MACROD2: variants seen among roughly 807,000 people sequenced by gnomAD.
MACROD2 encodes ADP-ribose glycohydrolase MACROD2.
In MACROD2, 36 loss-of-function variants were observed where a neutral mutation model predicts 70.4. The observed-to-expected ratio is 0.51, with a 90% CI of 0.39 to 0.68. The LOEUF (loss-of-function observed/expected upper bound fraction) is 0.68. Among genes scored for constraint, MACROD2 ranks in the 30% least tolerant of loss-of-function variants. The probability of loss-of-function intolerance (pLI) is 0.00; values close to 1 mark genes in which losing one functional copy is unlikely to be tolerated. For synonymous variants in MACROD2, 172 were observed against 178.8 expected, an observed-to-expected ratio of 0.96 and a Z score of 0.30; for missense variants, 496 against 538.4, an observed-to-expected ratio of 0.92 and a Z score of 0.78.
intron 3 of MACROD2, among the ~76,000 whole-genome samples, chr20:14,279,443 GA>G (rs2082286394): frequency 6.9e-6 from 1 of 145,476 alleles, no homozygotes; most frequent in African/African-American, 2.4e-5. Flanking sequence ...ACCTTAAGTT[GA>G]TTTTTTTTTC....
intron 10 of MACROD2, among the ~76,000 whole-genome samples, chr20:15,927,784 A>G (rs890249889): frequency 1.3e-5 from 2 of 152,062 alleles, no homozygotes; most frequent in Non-Finnish European, 2.9e-5. Flanking sequence ...AGCTAATGAC[A>G]CCTCCAGACA....
At chr20:15,521,763 A>G (rs1178795044) in intron 8 of MACROD2, among the ~76,000 whole-genome samples, 1 of 152,254 alleles carries the variant, frequency 6.6e-6, no homozygotes, top group Non-Finnish European at 1.5e-5. Context: ...AGTATTTTAA[A>G]GAAGCTAACA....
chr20:14,590,327 C>G (rs867502385), intron 4 of MACROD2, among the ~76,000 whole-genome samples: 4 of 152,238 alleles, frequency 2.6e-5, no homozygotes, highest in Admixed American at 6.5e-5. Context: ...TTTGTACTGT[C>G]ACTCATTTAC....
chr20:14,673,132 T>C (rs1363238928), intron 4 of MACROD2, among the ~76,000 whole-genome samples: 2 of 152,220 alleles, frequency 1.3e-5, no homozygotes, highest in African/African-American at 4.8e-5. Flanking sequence ...ATTGCTTGCT[T>C]TCAATGCAGA....
chr20:15,496,081 A>C (rs6074905), intron 7 of MACROD2, among the ~76,000 whole-genome samples: 80,628 of 151,946 alleles, frequency 0.53, 21,610 homozygotes, highest in Middle Eastern at 0.58. Context: ...AGAGACAAGA[A>C]AGGGCCAGCT....
intron 2 of MACROD2, among the ~76,000 whole-genome samples, chr20:14,011,818 C>G (rs1365419491): frequency 6.6e-6 from 1 of 152,138 alleles, no homozygotes; most frequent in Non-Finnish European, 1.5e-5. Context: ...CCTGAGCCAC[C>G]GCGCCTGGCC....
At chr20:15,853,838 A>G (rs1317267918) in intron 8 of MACROD2, among the ~76,000 whole-genome samples, 1 of 152,160 alleles carries the variant, frequency 6.6e-6, no homozygotes, top group Admixed American at 6.5e-5. Flanking sequence ...ACTGTGAGCT[A>G]ATTAGTAGGT....
intron 3 of MACROD2, among the ~76,000 whole-genome samples, chr20:14,352,838 C>G (rs1299579830): frequency 6.6e-6 from 1 of 151,626 alleles, no homozygotes; most frequent in Non-Finnish European, 1.5e-5. Flanking sequence ...CAACAATGCA[C>G]CACCCAGAAT....
At chr20:14,714,837 A>G (rs754447325) in intron 5 of MACROD2, among the ~76,000 whole-genome samples, 4 of 152,146 alleles carry the variant, frequency 2.6e-5, no homozygotes, top group Admixed American at 6.5e-5. Context: ...CTTTTATTAC[A>G]TGTGCGGTTT....
chr20:14,086,827 G>A (rs1215904683), intron 3 of MACROD2, among the ~76,000 whole-genome samples: 1 of 152,182 alleles, frequency 6.6e-6, no homozygotes, highest in South Asian at 2.1e-4. Context: ...TCATCTGTCA[G>A]TTTTATCTAG....
At chr20:14,182,846 G>C (rs1180400729) in intron 3 of MACROD2, among the ~76,000 whole-genome samples, 2 of 151,706 alleles carry the variant, frequency 1.3e-5, no homozygotes, top group African/African-American at 4.8e-5. Context: ...CTCTTTTCCA[G>C]GCCTTTTGCT....
intron 6 of MACROD2, among the ~76,000 whole-genome samples, chr20:15,274,338 C>A (rs1440611347): frequency 1.3e-5 from 2 of 152,188 alleles, no homozygotes; most frequent in Admixed American, 6.5e-5. Context: ...GCTCAATACC[C>A]ATTTGTGCTG....
At chr20:14,054,471 A>G (rs1439873323) in intron 2 of MACROD2, among the ~76,000 whole-genome samples, 1 of 151,986 alleles carries the variant, frequency 6.6e-6, no homozygotes, top group Non-Finnish European at 1.5e-5. Context: ...TTGGCTGGAG[A>G]ATGAGATTTG....
intron 5 of MACROD2, among the ~76,000 whole-genome samples, chr20:14,781,185 A>G (rs943733817): frequency 6.6e-6 from 1 of 152,024 alleles, no homozygotes; most frequent in Admixed American, 6.6e-5. Context: ...GGCCAGTAAT[A>G]GTTCCCCCTA....
At chr20:15,979,111 A>G (rs1319950965) in intron 13 of MACROD2, among the ~76,000 whole-genome samples, 2 of 152,198 alleles carry the variant, frequency 1.3e-5, no homozygotes, top group African/African-American at 4.8e-5. Context: ...TTTAAAAATA[A>G]TTGTATCAGA....
At chr20:15,677,674 A>G (rs1431588354) in intron 8 of MACROD2, among the ~76,000 whole-genome samples, 1 of 18,870 alleles carries the variant, frequency 5.3e-5, no homozygotes, top group African/African-American at 2.4e-4. Flanking sequence ...CAACCAACCA[A>G]CCAACCAACC....
chr20:15,668,937 G>A (rs2049939980), intron 8 of MACROD2, among the ~76,000 whole-genome samples: 1 of 152,160 alleles, frequency 6.6e-6, no homozygotes, highest in African/African-American at 2.4e-5. Context: ...CTTACAGAAA[G>A]AAGGTGTATT....
At chr20:15,703,272 C>G (rs1475490678) in intron 8 of MACROD2, among the ~76,000 whole-genome samples, 1 of 152,160 alleles carries the variant, frequency 6.6e-6, no homozygotes, top group Non-Finnish European at 1.5e-5. Flanking sequence ...AAACCATGAC[C>G]ACTACTATAT....
chr20:14,467,302 AG>A (rs1158308706), intron 3 of MACROD2, among the ~76,000 whole-genome samples: 43 of 152,202 alleles, frequency 2.8e-4, no homozygotes, highest in Non-Finnish European at 6.0e-4. Context: ...GCTAGCAATG[AG>A]CGAGGTTCCG....
Sources: gnomAD v4.1 joint callset for allele counts (sites outside exome capture counted in the v4.1 genomes callset) on GRCh38, gnomAD v4.1.1 for gene constraint, MANE v1.5 for transcripts, NCBI Gene and HGNC (gene_info 2026-07-23, HGNC 2026-07-21) for gene names.